Variants in NRXN1 observed in about 807,000 individuals in gnomAD.
The protein encoded by NRXN1 is neurexin 1.
Under a neutral mutation model 150.9 loss-of-function variants are expected in NRXN1, and 39 were observed. The observed-to-expected ratio is 0.26, with a 90% CI of 0.20 to 0.34. The LOEUF (loss-of-function observed/expected upper bound fraction) is 0.34, where lower values mean the gene tolerates loss of function less well. Ranked by LOEUF, NRXN1 falls within the 10% of genes least tolerant of loss-of-function variation. The probability of loss-of-function intolerance (pLI) is 1.00; values close to 1 mark genes in which losing one functional copy is unlikely to be tolerated. For missense variants in NRXN1, 1,815 were observed against 1,949.9 expected, an observed-to-expected ratio of 0.93 and a Z score of 1.30; for synonymous variants, 924 against 757.0, an observed-to-expected ratio of 1.22 and a Z score of -3.62.
At chr2:50,691,785 T>A (rs1352895922) in intron 5 of NRXN1, among the ~76,000 whole-genome samples, 1 of 152,110 alleles carries the variant, frequency 6.6e-6, no homozygotes. Flanking sequence ...GAGGGCTGAC[T>A]CGGGGATGCT....
rs557616702 is a variant in NRXN1 at position 50,328,908 on chromosome 2, T to C, written c.3365-91938A>G. Among the ~76,000 whole-genome samples, 10 of 152,282 alleles carry C rather than the reference T, an allele frequency of 6.6e-5. No individual in the cohort carries two copies. In the South Asian group the frequency reaches 2.1e-3, roughly 32 times the overall value. ...GGTCAACCTTCTAACACATCTTGTCTCTTGTTATTTCAAGCACAGTTATCT... is the reference window on the plus strand; with the variant it reads ...GGTCAACCTTCTAACACATCTTGTCCCTTGTTATTTCAAGCACAGTTATCT... On this transcript the variant is annotated intron_variant, in intron 17 of 22. Transcript: ENST00000401669.
At position 50,120,604 on chromosome 2, in the gene NRXN1, G is replaced by A. The variant is rs770615745; in HGVS notation, c.3547-29110C>T. On this transcript the variant is annotated intron_variant, in intron 18 of 22. Transcript: ENST00000401669. ...ACATCCATTCCCACAGTCTTAGATT[G>A]TTGTTTAAATATAGATATATATTTC... Among the ~76,000 whole-genome samples the A allele has an allele frequency of 1.2e-3, 179 of 152,228 alleles. 2 individuals are homozygous for A. Among genetic ancestry groups the A allele is most frequent in the Non-Finnish European group, 1.9e-3 (132 of 68,012 alleles).
intron 1 of NRXN1, among the ~76,000 whole-genome samples, chr2:51,031,720 T>G (rs114172478): frequency 1.5e-3 from 227 of 152,250 alleles, no homozygotes; most frequent in African/African-American, 5.2e-3. Flanking sequence ...ATATCTAGCC[T>G]GTCTCTTATT....
chr2:50,080,389 T>G (rs182583126), intron 19 of NRXN1, among the ~76,000 whole-genome samples: 49 of 152,250 alleles, frequency 3.2e-4, no homozygotes, highest in Non-Finnish European at 6.2e-4. Context: ...TTTGGTACTA[T>G]CTGTGATTTC....
Position 49,921,045 on chromosome 2 carries a change from G to A in NRXN1, c.*899C>T, listed in dbSNP as rs374452998. 3.9e-5 allele frequency: 6 copies of A among 152,578 alleles called. No homozygotes were observed. The East Asian group carries it at 7.7e-4, about 20-fold the overall frequency. The allele number at this position is 152,578 out of a possible 1,614,324, so 9.5% of individuals were successfully genotyped here. On this transcript the variant is annotated 3_prime_UTR_variant, in exon 23 of 23. Transcript: ENST00000401669. ...CAACTGAAATAATTGTTGCTCTGAT[G>A]TCATAAAACTCCCTATACTTAGCAA...
intron 5 of NRXN1, among the ~76,000 whole-genome samples, chr2:50,672,027 T>C (rs1688926211): frequency 6.6e-6 from 1 of 151,976 alleles, no homozygotes; most frequent in South Asian, 2.1e-4. Flanking sequence ...TAACCTAATG[T>C]AAAAACTACA....
chr2:50,209,572 C>A (rs1229045060), intron 18 of NRXN1, among the ~76,000 whole-genome samples: 1 of 152,050 alleles, frequency 6.6e-6, no homozygotes, highest in Admixed American at 6.6e-5. Context: ...GAAAATCTAC[C>A]ATATCCATGG....
intron 5 of NRXN1, among the ~76,000 whole-genome samples, chr2:50,761,839 T>C (rs915334242): frequency 2.6e-5 from 4 of 151,916 alleles, no homozygotes; most frequent in African/African-American, 7.2e-5. Flanking sequence ...CTGAGTCTTC[T>C]GGCCTCCATC....
intron 5 of NRXN1, among the ~76,000 whole-genome samples, chr2:50,665,751 A>C (rs1687932766): frequency 6.6e-6 from 1 of 151,986 alleles, no homozygotes; most frequent in African/African-American, 2.4e-5. Flanking sequence ...TCAACTAAAA[A>C]ACACATGTTT....
intron 10 of NRXN1, among the ~76,000 whole-genome samples, chr2:50,533,039 GT>G (rs1242111985): frequency 4.6e-5 from 7 of 152,152 alleles, no homozygotes; most frequent in African/African-American, 1.4e-4. Flanking sequence ...TAGAGTTGTG[GT>G]TTTGTAAGTT....
chr2:50,432,497 T>C (rs2085055174), intron 17 of NRXN1, among the ~76,000 whole-genome samples: 1 of 152,226 alleles, frequency 6.6e-6, no homozygotes, highest in African/African-American at 2.4e-5. Flanking sequence ...GAATAACTTC[T>C]ATACTTCTTT....
chr2:49,927,057 G>T (rs534547534), intron 22 of NRXN1, among the ~76,000 whole-genome samples: 2 of 152,124 alleles, frequency 1.3e-5, no homozygotes, highest in African/African-American at 4.8e-5. Context: ...AATGAAGAAG[G>T]TCAGGCCAGC....
rs55703245 is a variant in NRXN1, at chr2:50,720,011, T to G, written c.833-96396A>C. 5.2e-3 allele frequency among the ~76,000 whole-genome samples: 786 copies of G among 152,284 alleles called. 14 individuals carry two copies. The highest frequency in any genetic ancestry group is 0.018 in the African/African-American group (740 of 41,562). On this transcript the variant is annotated intron_variant, in intron 5 of 22. Transcript: ENST00000401669. ...GTACAAATACACACAGATACATGTT[T>G]AAAGAACAAATTACAAAACTGGTCA...
Position 49,922,201 on chromosome 2 carries a change from C to A in NRXN1, c.4267G>T (p.Val1423Leu). ...GREPYPGSAE[V>L]IRESSSTTGM... Reference sequence around the variant, plus strand: ...GTGGTGCTGCTGGACTCCCGGATCACTTCTGCTGAGCCTGGATACGGCTCT... The same window carrying A: ...GTGGTGCTGCTGGACTCCCGGATCAATTCTGCTGAGCCTGGATACGGCTCT... The change falls in exon 23 of 23, where the codon GTG (valine) becomes TTG (leucine). Residue 1423 changes from valine to leucine, a missense_variant. Physicochemically the swap from Val to Leu is conservative, Grantham distance 32. Coordinates refer to ENST00000401669, the MANE Select transcript of NRXN1 (RefSeq NM_001330078.2). 1 of 1,614,184 alleles carries A rather than the reference C, an allele frequency of 6.2e-7. No homozygotes were observed. The highest frequency in any genetic ancestry group is 8.5e-7 in the Non-Finnish European group (1 of 1,180,026).
At chr2:50,588,099 T>A (rs1463824101) in intron 8 of NRXN1, among the ~76,000 whole-genome samples, 2 of 152,204 alleles carry the variant, frequency 1.3e-5, no homozygotes, top group African/African-American at 4.8e-5. Flanking sequence ...GTTTCCTACA[T>A]CATACATCCA....
chr2:50,952,053 G>C (rs6722025), intron 2 of NRXN1, among the ~76,000 whole-genome samples: 3 of 141,382 alleles, frequency 2.1e-5, no homozygotes, highest in African/African-American at 7.8e-5. Context: ...TGCAAGCTCC[G>C]CCTCCCGGGT....
rs1243589546 is a variant in NRXN1, at chr2:49,928,611, T to C, written c.4217-6360A>G. Among the ~76,000 whole-genome samples the C allele has an allele frequency of 2.0e-5, 3 of 152,238 alleles. No homozygotes were observed. In the East Asian group the frequency reaches 5.8e-4, roughly 29 times the overall value. On this transcript the variant is annotated intron_variant, in intron 22 of 22. Transcript: ENST00000401669. ...TGTGAATTGAGATTAGCACACTTTTTTCCCCCATTTGAAAAAAAACAACTC... is the reference window on the plus strand; with the variant it reads ...TGTGAATTGAGATTAGCACACTTTTCTCCCCCATTTGAAAAAAAACAACTC...
chr2:50,866,811 A>C (rs1677003263), intron 5 of NRXN1, among the ~76,000 whole-genome samples: 1 of 151,926 alleles, frequency 6.6e-6, no homozygotes, highest in Admixed American at 6.6e-5. Flanking sequence ...CTACAAGCAC[A>C]CTTTCCTTAA....
chr2:50,765,352 GAGCTCCTCTCAGACATC>G (rs1559229874), intron 5 of NRXN1, among the ~76,000 whole-genome samples: 1 of 152,004 alleles, frequency 6.6e-6, no homozygotes, highest in African/African-American at 2.4e-5. Context: ...GGGGAAACAG[GAGCTCCTCTCAGACATC>G]AGGAAGACAA....
Sources: gnomAD v4.1 joint callset for allele counts (sites outside exome capture counted in the v4.1 genomes callset) on GRCh38, gnomAD v4.1.1 for gene constraint, MANE v1.5 for transcripts, NCBI Gene and HGNC (gene_info 2026-07-23, HGNC 2026-07-21) for gene names.